CFAP47: variants seen among roughly 807,000 people sequenced by gnomAD.
CFAP47 encodes cilia- and flagella-associated protein 47.
A neutral mutation model predicts 148.1 loss-of-function variants in CFAP47; 29 were observed. That is an observed-to-expected ratio of 0.20 (90% CI 0.15 to 0.27). The LOEUF (loss-of-function observed/expected upper bound fraction) is 0.27. Ranked by LOEUF, CFAP47 falls within the 10% of genes least tolerant of loss-of-function variation. The pLI, the probability that CFAP47 is intolerant of heterozygous loss-of-function variation, is 1.00. For synonymous variants in CFAP47, 664 were observed against 577.3 expected, an observed-to-expected ratio of 1.15 and a Z score of -2.15; for missense variants, 1,872 against 1,697.5, an observed-to-expected ratio of 1.10 and a Z score of -1.81.
At chrX:36,053,959 C>T (rs1310779567) in intron 26 of CFAP47, among the ~76,000 whole-genome samples, 1 of 112,353 alleles carries the variant, frequency 8.9e-6, no homozygotes, top group African/African-American at 3.2e-5. Context: ...TTCTAATATC[C>T]TTCTTTTTCT....
At chrX:36,076,432 G>A (rs1230260448) in intron 29 of CFAP47, among the ~76,000 whole-genome samples, 2 of 102,674 alleles carry the variant, frequency 1.9e-5, no homozygotes, top group Non-Finnish European at 3.9e-5. Flanking sequence ...TAGCCATTCT[G>A]ACTGGTGTGA....
intron 30 of CFAP47, among the ~76,000 whole-genome samples, chrX:36,094,239 T>G (rs1938236197): frequency 9.0e-6 from 1 of 110,946 alleles, no homozygotes; most frequent in Non-Finnish European, 1.9e-5. Flanking sequence ...ATGTGTATGT[T>G]TTTAGACCAG....
At chrX:36,106,592 G>A (rs73197119) in intron 33 of CFAP47, among the ~76,000 whole-genome samples, 52 of 111,562 alleles carry the variant, frequency 4.7e-4, no homozygotes, top group Non-Finnish European at 8.5e-4. Flanking sequence ...GTGGCAGAAG[G>A]CACAAAAGAG....
intron 45 of CFAP47, among the ~76,000 whole-genome samples, chrX:36,216,160 G>A (rs1157980674): frequency 1.4e-4 from 16 of 112,442 alleles, no homozygotes; most frequent in Admixed American, 1.2e-3. Context: ...TTATTCATCC[G>A]TCATTTGGGT....
intron 49 of CFAP47, among the ~76,000 whole-genome samples, chrX:36,258,607 A>G (rs1209794626): frequency 8.9e-6 from 1 of 112,004 alleles, no homozygotes; most frequent in Non-Finnish European, 1.9e-5. Context: ...TCTTAGGAAT[A>G]TGTAATATTT....
intron 42 of CFAP47, among the ~76,000 whole-genome samples, 193 bp from the exon 43 acceptor site, chrX:36,200,186 A>C (rs782333190): frequency 8.9e-6 from 1 of 112,205 alleles, no homozygotes; most frequent in Non-Finnish European, 1.9e-5. Context: ...CTCTGGTTGC[A>C]GGCAAAGTTT....
chrX:36,033,565 T>C (rs1937305268), intron 23 of CFAP47, among the ~76,000 whole-genome samples: 1 of 111,587 alleles, frequency 9.0e-6, no homozygotes, highest in African/African-American at 3.2e-5. Context: ...TCATTTCCTG[T>C]ATTGAAACAT....
chrX:35,989,483 G>A, intron 16 of CFAP47, 34 bp downstream of exon 16: 1 of 1,210,627 alleles, frequency 8.3e-7, no homozygotes, highest in Non-Finnish European at 1.1e-6. Context: ...TTTTTGTTTT[G>A]AGGGCTATGA....
In CFAP47 at chrX:36,118,631, G is replaced by T. The variant is rs757668724; in HGVS notation, c.5320+13940G>T. On this transcript the variant is annotated intron_variant, in intron 33 of 63. Transcript: ENST00000378653. ...TGGGACTGCAGGCACCCGCCACCATGCCCGGCTAATTTTTTTGTATTTTTA... is the reference window on the plus strand; with the variant it reads ...TGGGACTGCAGGCACCCGCCACCATTCCCGGCTAATTTTTTTGTATTTTTA... Among the ~76,000 whole-genome samples, 3 of 109,757 alleles carry T rather than the reference G, an allele frequency of 2.7e-5. No individual in the cohort carries two copies. The East Asian group carries it at 8.7e-4, about 32-fold the overall frequency.
chrX:36,149,615 TTA>T (rs199634749), intron 37 of CFAP47, among the ~76,000 whole-genome samples: 1 of 60,602 alleles, frequency 1.7e-5, no homozygotes, highest in Non-Finnish European at 2.7e-5. Flanking sequence ...TTTATTTATT[TTA>T]TTTTTTTTTG....
At position 36,318,542 on chromosome X, in the gene CFAP47, C is replaced by T. The variant is rs1400933602; in HGVS notation, c.8345-667C>T. On this transcript the variant is annotated intron_variant, in intron 56 of 63. Transcript: ENST00000378653. ...TTAATCATCTCTAGATTACTTAGAA[C>T]ACCTAATACAATGTAAATGCTATGT... Among the ~76,000 whole-genome samples, 9 of 111,718 alleles carry T rather than the reference C, an allele frequency of 8.1e-5. No homozygotes were observed. The Admixed American group carries it at 8.6e-4, about 11-fold the overall frequency.
At chrX:36,223,376 A>C (rs1351660746) in intron 45 of CFAP47, among the ~76,000 whole-genome samples, 3 of 110,649 alleles carry the variant, frequency 2.7e-5, no homozygotes, top group South Asian at 3.8e-4. Flanking sequence ...TAGGCCAAAA[A>C]ATTCTCTAAA....
At chrX:36,053,895 T>C (rs1190798336) in intron 26 of CFAP47, among the ~76,000 whole-genome samples, 1 of 112,442 alleles carries the variant, frequency 8.9e-6, no homozygotes, top group African/African-American at 3.2e-5. Flanking sequence ...ATTAAAATTA[T>C]AGTACTGTTA....
chrX:35,948,171 G>C (rs1001228815), intron 3 of CFAP47, 143 bp from the exon 4 acceptor site: 7 of 446,739 alleles, frequency 1.6e-5, no homozygotes, highest in Admixed American at 7.4e-5. Context: ...TGCATTCAAA[G>C]CCGTCCTGGG....
chrX:35,997,269 T>A, intron 18 of CFAP47, 43 bp from the exon 19 acceptor site: 1 of 289,131 alleles, frequency 3.5e-6, no homozygotes, highest in Non-Finnish European at 6.1e-6. Context: ...TATGATTATA[T>A]TTTAATGTGG....
Position 36,334,784 on chromosome X carries a change from A to G in CFAP47, c.8444-13345A>G, listed in dbSNP as rs782447177. 1.5e-3 allele frequency among the ~76,000 whole-genome samples: 166 copies of G among 111,005 alleles called. 1 individual carries two copies. The highest frequency in any genetic ancestry group is 5.0e-3 in the African/African-American group (152 of 30,597). On this transcript the variant is annotated intron_variant, in intron 57 of 63. Coordinates refer to ENST00000378653, the MANE Select transcript of CFAP47 (RefSeq NM_001304548.2). ...AATAGTTTTTCACTTGCCTTCTAGG[A>G]TATCACACTATCCTAGCTGTTTTCC...
At chrX:36,274,497 C>A (rs1250610227) in intron 49 of CFAP47, among the ~76,000 whole-genome samples, 1 of 111,332 alleles carries the variant, frequency 9.0e-6, no homozygotes, top group African/African-American at 3.3e-5. Flanking sequence ...GGATATAAGC[C>A]TCTTTGCAAA....
At chrX:36,303,215 C>G (rs1941315266) in intron 53 of CFAP47, among the ~76,000 whole-genome samples, 1 of 111,587 alleles carries the variant, frequency 9.0e-6, no homozygotes, top group African/African-American at 3.3e-5. Flanking sequence ...GAGACAGGGT[C>G]TTGCTCTGTC....
At chrX:35,970,279 T>C (rs1310941745) in intron 10 of CFAP47, among the ~76,000 whole-genome samples, 1 of 111,447 alleles carries the variant, frequency 9.0e-6, no homozygotes, top group Non-Finnish European at 1.9e-5. Flanking sequence ...GTTTCCTCTA[T>C]ATAGGCTTAT....
Sources: allele counts gnomAD v4.1 joint callset (sites outside exome capture counted in the v4.1 genomes callset), GRCh38; gene constraint gnomAD v4.1.1; transcripts MANE v1.5; gene names NCBI Gene and HGNC (gene_info 2026-07-23, HGNC 2026-07-21).